The following ZNF506 variants were observed in gnomAD, a reference collection of about 807,000 sequenced individuals.
The protein encoded by ZNF506 is zinc finger protein 506.
A neutral mutation model predicts 11.6 loss-of-function variants in ZNF506; 10 were observed. The ratio of observed to expected loss-of-function variants is 0.86; its 90% CI spans 0.53 to 1.46. The LOEUF (loss-of-function observed/expected upper bound fraction) is 1.46, where lower values mean the gene tolerates loss of function less well. Among genes scored for constraint, ZNF506 ranks in the 40% most tolerant of loss-of-function variants. The probability of loss-of-function intolerance (pLI) is 0.00; values close to 1 mark genes in which losing one functional copy is unlikely to be tolerated. For missense variants in ZNF506, 425 were observed against 521.2 expected (o/e 0.82, Z 1.80); for synonymous variants, 156 against 173.3 (o/e 0.90, Z 0.78).
intron 1 of ZNF506, among the ~76,000 whole-genome samples, chr19:19,807,454 G>A (rs1006662677): frequency 2.0e-5 from 3 of 152,086 alleles, no homozygotes; most frequent in Non-Finnish European, 4.4e-5. Context: ...ATAAGCTGAC[G>A]ACCTTGTTAT....
Position 19,793,194 on chromosome 19 carries a change from T to C in ZNF506, c.*1358A>G, listed in dbSNP as rs1271450801. Among the ~76,000 whole-genome samples, 2 of 152,182 alleles carry C rather than the reference T, an allele frequency of 1.3e-5. No individual in the cohort carries two copies. The highest frequency in any genetic ancestry group is 2.1e-4 in the South Asian group (1 of 4,824). On this transcript the variant is annotated 3_prime_UTR_variant, in exon 4 of 4. Coordinates refer to ENST00000540806, the MANE Select transcript of ZNF506 (RefSeq NM_001099269.3). ...AGAAAATCTCCCTTTTAAAGTTATA[T>C]ACAAAAACAGCTTTAGTTGTGGATT...
chr19:19,795,606 G>C lies in ZNF506; in HGVS notation c.281C>G (p.Ser94Cys). 6.4e-7 allele frequency: 1 copy of C among 1,557,624 alleles called. No individual in the cohort carries two copies. The change falls in exon 4 of 4, where the codon TCT (serine) becomes TGT (cysteine). Residue 94 changes from serine (S) to cysteine (C), a missense_variant. By Grantham distance (112) the Ser-to-Cys change is moderately radical. Around this residue, in one of 3 missense-constraint regions of ZNF506, gnomAD observed 226 missense variants for 279.1 expected, o/e 0.81. Coordinates refer to ENST00000540806, the MANE Select transcript of ZNF506 (RefSeq NM_001099269.3). Reference sequence around the variant, plus strand: ...TCTTCTTAGTATCACTTTTTGGAAAGAATCTTTTATGCTCTGCTCTGACCA... The same window carrying C: ...TCTTCTTAGTATCACTTTTTGGAAACAATCTTTTATGCTCTGCTCTGACCA... ...DLWSEQSIKD[S>C]FQKVILRRYE...
intron 3 of ZNF506, among the ~76,000 whole-genome samples, chr19:19,802,710 C>G (rs567818824): frequency 1.3e-5 from 2 of 152,300 alleles, no homozygotes; most frequent in Admixed American, 6.5e-5. Flanking sequence ...CAAATTCTAG[C>G]ACACTGTCCT....
Position 19,794,651 on chromosome 19 carries a change from A to C in ZNF506, c.1236T>G (p.Leu412=), listed in dbSNP as rs774493124. ...TAATATGAATTTTCTTATGTTTATT[A>C]AGGGCTGAGGACCAGTTAAAAGCTT... ...CGKAFNWSSA[L]NKHKKIHIRQ... The change falls in exon 4 of 4, where the codon CTT becomes CTG. Residue 412 remains leucine (L), a synonymous_variant. Coordinates refer to ENST00000540806, the MANE Select transcript of ZNF506 (RefSeq NM_001099269.3). 6 of 1,613,758 alleles carry C rather than the reference A, an allele frequency of 3.7e-6. No homozygotes were observed. In the East Asian group the frequency reaches 1.3e-4, roughly 36 times the overall value.
chr19:19,802,895 C>T (rs1008530366), intron 3 of ZNF506, among the ~76,000 whole-genome samples: 2 of 152,098 alleles, frequency 1.3e-5, no homozygotes, highest in Non-Finnish European at 2.9e-5. Context: ...GAAAACCAGG[C>T]ATTATGGCTC....
intron 3 of ZNF506, among the ~76,000 whole-genome samples, chr19:19,802,437 T>A (rs1436803484): frequency 1.3e-5 from 2 of 152,220 alleles, no homozygotes; most frequent in South Asian, 4.1e-4. Context: ...CAAAATGAAA[T>A]TGCTATAATC....
intron 3 of ZNF506, among the ~76,000 whole-genome samples, chr19:19,803,176 C>T (rs1202072960): frequency 6.6e-6 from 1 of 152,240 alleles, no homozygotes; most frequent in Admixed American, 6.5e-5. Flanking sequence ...CTTGGTCCCA[C>T]TGAGAATTCT....
intron 1 of ZNF506, among the ~76,000 whole-genome samples, chr19:19,815,307 T>C (rs1254951293): frequency 1.3e-5 from 2 of 151,960 alleles, no homozygotes; most frequent in Non-Finnish European, 2.9e-5. Flanking sequence ...CATTGTGAGG[T>C]TCCTGAGGGT....
At chr19:19,806,906 G>A (rs2062839691) in intron 2 of ZNF506, 36 bp downstream of exon 2, 1 of 1,596,184 alleles carries the variant, frequency 6.3e-7, no homozygotes, top group East Asian at 2.3e-5. Context: ...AACCTTTAGA[G>A]TAATATTATG....
chr19:19,806,559 A>T (rs903122844), intron 2 of ZNF506, among the ~76,000 whole-genome samples: 1 of 152,206 alleles, frequency 6.6e-6, no homozygotes, highest in African/African-American at 2.4e-5. Flanking sequence ...CCTGGCCTAT[A>T]ACAGAAATTT....
At chr19:19,813,450 G>A (rs2062899790) in intron 1 of ZNF506, among the ~76,000 whole-genome samples, 1 of 152,166 alleles carries the variant, frequency 6.6e-6, no homozygotes, top group Non-Finnish European at 1.5e-5. Flanking sequence ...TACTCTGCTG[G>A]TAGGAGTGTA....
chr19:19,820,752 T>C (rs2062962291), intron 1 of ZNF506: 1 of 152,202 alleles, frequency 6.6e-6, no homozygotes, highest in African/African-American at 2.4e-5. Context: ...AATTATTGAA[T>C]TTGGTTTTCT....
chr19:19,798,574 GA>G (rs2062763454), intron 3 of ZNF506: 1 of 139,612 alleles, frequency 7.2e-6, no homozygotes, highest in East Asian at 2.3e-4. Context: ...AGAATGGTGT[GA>G]ACCCGGGAGG....
chr19:19,807,063 T>A lies in ZNF506; in HGVS notation c.9A>T (p.Pro3=). MG[P]LQFRDVAIEF... is the part of the protein sequence containing the mutation. ...CTATGGCCACATCTCTAAATTGCAA[T>A]GGTCCCTGAAAAAAACACACACACT... The change falls in exon 2 of 4, where the codon CCA becomes CCT. Residue 3 remains proline, a synonymous_variant. Coordinates refer to ENST00000540806, the MANE Select transcript of ZNF506 (RefSeq NM_001099269.3). 1 of 1,613,570 alleles carries A rather than the reference T, an allele frequency of 6.2e-7. No homozygotes were observed. The highest frequency in any genetic ancestry group is 1.1e-5 in the South Asian group (1 of 91,002).
In ZNF506 at chr19:19,821,615, C is replaced by A; in HGVS notation, c.-12G>T. The A allele has an allele frequency of 6.2e-7, 1 of 1,614,010 alleles. No homozygotes were observed. The highest frequency in any genetic ancestry group is 8.5e-7 in the Non-Finnish European group (1 of 1,179,916). ...GGCACTCTCACCATTTCTAGGCTTC[C>A]AGGGGGTCCCGGCGTCCTAGCTGTG... On this transcript the variant is annotated 5_prime_UTR_variant, in exon 1 of 4. Coordinates refer to ENST00000540806, the MANE Select transcript of ZNF506 (RefSeq NM_001099269.3).
intron 3 of ZNF506, chr19:19,796,061 AT>A (rs1443245667): frequency 4.4e-6 from 1 of 228,704 alleles, no homozygotes; most frequent in Non-Finnish European, 9.1e-6. Context: ...AGGCAGGTGG[AT>A]CATGAGGTCA....
chr19:19,815,936 G>A (rs1436289489), intron 1 of ZNF506, among the ~76,000 whole-genome samples: 2 of 152,174 alleles, frequency 1.3e-5, no homozygotes, highest in African/African-American at 4.8e-5. Context: ...ACAAAGAAAA[G>A]AGATGGGGAA....
Position 19,795,220 on chromosome 19 carries a change from G to T in ZNF506, c.667C>A (p.His223Asn), listed in dbSNP as rs1348726782. 1.2e-6 allele frequency: 2 copies of T among 1,613,828 alleles called. No individual in the cohort carries two copies. Among genetic ancestry groups the T allele is most frequent in the Non-Finnish European group, 1.7e-6 (2 of 1,179,946 alleles). The change falls in exon 4 of 4, where the codon CAT (histidine) becomes AAT (asparagine). Residue 223 changes from histidine (H) to asparagine (N), a missense_variant. By Grantham distance (68) the His-to-Asn change is moderately conservative. Transcript: ENST00000540806. ...CATTTGTAGGGTTTCTCTCCAGTAT[G>T]AATTTTCTTATGTGTAGTAAGGTGT... The part of the protein sequence containing the change: ...SSHLTTHKKI[H>N]TGEKPYKCEE...
At chr19:19,810,528 A>T (rs1481979637) in intron 1 of ZNF506, among the ~76,000 whole-genome samples, 1 of 152,116 alleles carries the variant, frequency 6.6e-6, no homozygotes, top group Admixed American at 6.6e-5. Context: ...CAGCATTTTT[A>T]TTTCTTCTAT....
Sources: allele counts gnomAD v4.1 joint callset (sites outside exome capture counted in the v4.1 genomes callset), GRCh38; gene constraint gnomAD v4.1.1; regional missense constraint gnomAD v4.1.1; transcripts MANE v1.5; gene names NCBI Gene and HGNC (gene_info 2026-07-23, HGNC 2026-07-21).